AKAP6: variants seen among roughly 807,000 people sequenced by gnomAD.
AKAP6 encodes the protein A-kinase anchor protein 6.
A neutral mutation model predicts 188.5 loss-of-function variants in AKAP6; 58 were observed. The observed-to-expected ratio is 0.31, with a 90% CI of 0.25 to 0.38. AKAP6 has a LOEUF of 0.38. Among genes scored for constraint, AKAP6 ranks in the 10% least tolerant of loss-of-function variants. The pLI is 1.00. For synonymous variants in AKAP6, 989 were observed against 998.6 expected, an observed-to-expected ratio of 0.99 and a Z score of 0.18; for missense variants, 2,710 against 2,740.0, an observed-to-expected ratio of 0.99 and a Z score of 0.24.
chr14:32,790,514 C>T (rs1046659838), intron 12 of AKAP6, among the ~76,000 whole-genome samples: 6 of 152,142 alleles, frequency 3.9e-5, no homozygotes, highest in Admixed American at 2.6e-4. Flanking sequence ...TCAGACTAAC[C>T]GTGGACCTCT....
chr14:32,330,377 A>G (rs1360400993), intron 1 of AKAP6, among the ~76,000 whole-genome samples: 2 of 151,982 alleles, frequency 1.3e-5, no homozygotes, highest in Non-Finnish European at 2.9e-5. Flanking sequence ...CTTTATTATT[A>G]TTATTATTTT....
At chr14:32,586,011 G>C (rs1404127643) in intron 5 of AKAP6, among the ~76,000 whole-genome samples, 1 of 152,144 alleles carries the variant, frequency 6.6e-6, no homozygotes, top group Non-Finnish European at 1.5e-5. Context: ...TTTAAAACAG[G>C]AGAACGACAT....
intron 9 of AKAP6, among the ~76,000 whole-genome samples, chr14:32,714,906 G>A (rs1218986384): frequency 1.3e-5 from 2 of 151,782 alleles, no homozygotes; most frequent in Admixed American, 1.3e-4. Flanking sequence ...CTGTCTATGA[G>A]GAAAGGACCT....
intron 2 of AKAP6, among the ~76,000 whole-genome samples, chr14:32,447,978 A>G (rs1482936954): frequency 6.6e-6 from 1 of 152,230 alleles, no homozygotes; most frequent in Non-Finnish European, 1.5e-5. Context: ...TAGAAATGAA[A>G]TGCACTGGAC....
intron 2 of AKAP6, among the ~76,000 whole-genome samples, chr14:32,446,376 T>C (rs1890755785): frequency 6.6e-6 from 1 of 152,174 alleles, no homozygotes; most frequent in African/African-American, 2.4e-5. Context: ...AAACTTTGTA[T>C]GGATTAATAC....
chr14:32,751,024 G>A (rs895188505), intron 11 of AKAP6, among the ~76,000 whole-genome samples: 6 of 151,954 alleles, frequency 3.9e-5, no homozygotes, highest in South Asian at 2.1e-4. Flanking sequence ...GTGAGCCACC[G>A]CACCCAGCCT....
intron 11 of AKAP6, among the ~76,000 whole-genome samples, chr14:32,752,181 G>A (rs975409984): frequency 1.2e-4 from 19 of 152,118 alleles, no homozygotes; most frequent in African/African-American, 4.6e-4. Context: ...TAAAATTCAG[G>A]GATGAGAAAC....
At chr14:32,424,849 C>T (rs763220214) in intron 1 of AKAP6, among the ~76,000 whole-genome samples, 12 of 152,200 alleles carry the variant, frequency 7.9e-5, no homozygotes, top group Non-Finnish European at 1.8e-4. Context: ...TTTTCTATGG[C>T]TGCATAGTAC....
At chr14:32,711,970 C>G (rs2029893590) in intron 9 of AKAP6, among the ~76,000 whole-genome samples, 1 of 151,948 alleles carries the variant, frequency 6.6e-6, no homozygotes, top group African/African-American at 2.4e-5. Flanking sequence ...TCAAAGATTA[C>G]TTCAATTAGT....
At chr14:32,687,678 C>G (rs951126051) in intron 8 of AKAP6, among the ~76,000 whole-genome samples, 4 of 152,112 alleles carry the variant, frequency 2.6e-5, no homozygotes, top group Non-Finnish European at 5.9e-5. Context: ...TCCAGCATTT[C>G]TACTTCCTTC....
At position 32,545,769 on chromosome 14, in the gene AKAP6, C is replaced by T; in HGVS notation, c.1116C>T (p.Thr372=). The change falls in exon 4 of 14, where the codon ACC becomes ACT. Residue 372 remains threonine (T), a synonymous_variant. Coordinates refer to ENST00000280979, the MANE Select transcript of AKAP6 (RefSeq NM_004274.5). ...GTGAAAATGCAACCCCCAAACGAAC[C>T]ATCAGAGATTGCTTTAATTATAACG... ...VPCENATPKR[T]IRDCFNYNED... is the part of the protein sequence containing the mutation. 2.5e-6 allele frequency: 4 copies of T among 1,614,216 alleles called. No individual in the cohort carries two copies. Among genetic ancestry groups the T allele is most frequent in the Non-Finnish European group, 3.4e-6 (4 of 1,180,026 alleles).
chr14:32,556,132 CA>C (rs1190394905), intron 4 of AKAP6, among the ~76,000 whole-genome samples: 4 of 151,990 alleles, frequency 2.6e-5, no homozygotes, highest in Non-Finnish European at 5.9e-5. Context: ...TTTTTTTAAA[CA>C]AAAATAGTAG....
rs377693074 is a variant in AKAP6, at chr14:32,800,061, C to CTCTCTCTCTCTA, written c.3589-21340_3589-21339insCTCTCTCTCTAT. On this transcript the variant is annotated intron_variant, in intron 12 of 13. Coordinates refer to ENST00000280979, the MANE Select transcript of AKAP6 (RefSeq NM_004274.5). ...CCTGTCTCTCTCTCTCTCTCTCTCT[C>CTCTCTCTCTCTA]TATATATATAGAAATATATATATAT... 2.9e-5 allele frequency among the ~76,000 whole-genome samples: 4 copies of CTCTCTCTCTCTA among 136,944 alleles called. No homozygotes were observed. In the South Asian group the frequency reaches 6.8e-4, roughly 23 times the overall value. The allele number at this position is 136,944 out of a possible 152,430, so 89.8% of individuals were successfully genotyped here. A position where few individuals can be genotyped will look rare whatever the true frequency, so the allele number is the denominator to read the frequency against.
intron 2 of AKAP6, among the ~76,000 whole-genome samples, chr14:32,440,335 T>A (rs1258384005): frequency 1.3e-5 from 1 of 77,270 alleles, no homozygotes; most frequent in Non-Finnish European, 2.6e-5. Context: ...TGTCATGGGG[T>A]GGGGGGAGTG....
chr14:32,785,181 C>T (rs1049044492), intron 12 of AKAP6, among the ~76,000 whole-genome samples: 3 of 151,860 alleles, frequency 2.0e-5, no homozygotes, highest in Non-Finnish European at 2.9e-5. Flanking sequence ...CATGTCCTTC[C>T]AATGAAAATT....
chr14:32,479,944 C>G (rs1879254391), intron 2 of AKAP6, among the ~76,000 whole-genome samples: 1 of 152,180 alleles, frequency 6.6e-6, no homozygotes, highest in Non-Finnish European at 1.5e-5. Context: ...TCCAGATGGG[C>G]TAAGGCAGAT....
At chr14:32,713,784 T>C (rs1295636132) in intron 9 of AKAP6, among the ~76,000 whole-genome samples, 1 of 152,088 alleles carries the variant, frequency 6.6e-6, no homozygotes, top group Non-Finnish European at 1.5e-5. Flanking sequence ...TGATCTTCTA[T>C]CTAGACCACT....
At chr14:32,427,860 C>T (rs1695796338) in intron 1 of AKAP6, among the ~76,000 whole-genome samples, 1 of 152,112 alleles carries the variant, frequency 6.6e-6, no homozygotes, top group Non-Finnish European at 1.5e-5. Context: ...TTTTTTCTAC[C>T]TCTGTTCTGT....
chr14:32,798,066 T>C (rs2033828062), intron 12 of AKAP6, among the ~76,000 whole-genome samples: 1 of 151,892 alleles, frequency 6.6e-6, no homozygotes, highest in Admixed American at 6.6e-5. Context: ...ACAACCCCCT[T>C]TTAAAAAATG....
Sources: allele counts gnomAD v4.1 joint callset (sites outside exome capture counted in the v4.1 genomes callset), GRCh38; gene constraint gnomAD v4.1.1; transcripts MANE v1.5; gene names NCBI Gene and HGNC (gene_info 2026-07-23, HGNC 2026-07-21).